LSAMP: variants seen among roughly 807,000 people sequenced by gnomAD.
The protein encoded by LSAMP is limbic system-associated membrane protein.
In LSAMP, 7 loss-of-function variants were observed where a neutral mutation model predicts 38.6. That is an observed-to-expected ratio of 0.18 (90% CI 0.10 to 0.34). LSAMP has a LOEUF of 0.34. Among genes scored for constraint, LSAMP ranks in the 10% least tolerant of loss-of-function variants. The pLI, the probability that LSAMP is intolerant of heterozygous loss-of-function variation, is 1.00. For synonymous variants in LSAMP, 154 were observed against 166.8 expected, an observed-to-expected ratio of 0.92 and a Z score of 0.59; for missense variants, 313 against 420.0, an observed-to-expected ratio of 0.75 and a Z score of 2.23.
At chr3:116,293,065 T>TATCA (rs993419801) in intron 1 of LSAMP, among the ~76,000 whole-genome samples, 1 of 152,202 alleles carries the variant, frequency 6.6e-6, no homozygotes, top group Non-Finnish European at 1.5e-5. Flanking sequence ...ACCTTCACCC[T>TATCA]ATCATATGTA....
intron 3 of LSAMP, among the ~76,000 whole-genome samples, chr3:116,006,313 C>T (rs910592038): frequency 2.0e-5 from 3 of 152,000 alleles, no homozygotes; most frequent in Non-Finnish European, 4.4e-5. Flanking sequence ...TGGTGGTCAT[C>T]GACAAGCCAG....
intron 1 of LSAMP, among the ~76,000 whole-genome samples, chr3:116,095,142 T>A (rs1035379625): frequency 1.3e-5 from 2 of 152,218 alleles, no homozygotes; most frequent in African/African-American, 2.4e-5. Flanking sequence ...AGATCAATCA[T>A]GTATTTCTCT....
intron 1 of LSAMP, among the ~76,000 whole-genome samples, chr3:116,292,936 G>T (rs942962578): frequency 1.3e-5 from 2 of 152,290 alleles, no homozygotes; most frequent in South Asian, 2.1e-4. Flanking sequence ...CTGTGGGAGG[G>T]TTACCTCTTG....
At chr3:116,275,958 C>G (rs116481671) in intron 1 of LSAMP, among the ~76,000 whole-genome samples, 1 of 152,060 alleles carries the variant, frequency 6.6e-6, no homozygotes, top group African/African-American at 2.4e-5. Flanking sequence ...ATGTAAATTA[C>G]GTAAAGTTTT....
intron 3 of LSAMP, among the ~76,000 whole-genome samples, chr3:116,015,914 T>C (rs767491235): frequency 6.6e-6 from 1 of 152,190 alleles, no homozygotes; most frequent in Non-Finnish European, 1.5e-5. Context: ...CAGGGCTCAA[T>C]ATCCCTGTGG....
At chr3:116,356,938 C>T (rs1251197072) in intron 1 of LSAMP, among the ~76,000 whole-genome samples, 3 of 152,100 alleles carry the variant, frequency 2.0e-5, no homozygotes, top group East Asian at 1.9e-4. Flanking sequence ...GGACTACAGG[C>T]GCCCGCCACC....
At chr3:116,219,682 C>G (rs544213480) in intron 1 of LSAMP, among the ~76,000 whole-genome samples, 1 of 152,060 alleles carries the variant, frequency 6.6e-6, no homozygotes, top group African/African-American at 2.4e-5. Flanking sequence ...GAAAAGGCGA[C>G]CTATGGATTG....
intron 1 of LSAMP, among the ~76,000 whole-genome samples, chr3:116,112,726 G>T (rs1225283700): frequency 1.3e-5 from 2 of 152,154 alleles, no homozygotes; most frequent in African/African-American, 2.4e-5. Flanking sequence ...AGGAAGTGGG[G>T]AACGAGTTTG....
intron 1 of LSAMP, among the ~76,000 whole-genome samples, chr3:116,282,761 C>T (rs7639095): frequency 2.0e-5 from 3 of 151,364 alleles, no homozygotes; most frequent in East Asian, 3.9e-4. Context: ...ATACTCCCCC[C>T]ACCCCCCAAA....
At chr3:116,081,321 G>T (rs1478680909) in intron 2 of LSAMP, among the ~76,000 whole-genome samples, 8 of 152,058 alleles carry the variant, frequency 5.3e-5, no homozygotes, top group Non-Finnish European at 1.0e-4. Flanking sequence ...AGGCATGATG[G>T]CACGCGCCTG....
intron 1 of LSAMP, among the ~76,000 whole-genome samples, chr3:116,199,635 A>G (rs1020672574): frequency 6.6e-6 from 1 of 152,158 alleles, no homozygotes; most frequent in Non-Finnish European, 1.5e-5. Context: ...TGTAGGCGAG[A>G]AGTAGAATGA....
chr3:116,351,956 G>A (rs1235426541), intron 1 of LSAMP, among the ~76,000 whole-genome samples: 1 of 152,012 alleles, frequency 6.6e-6, no homozygotes, highest in Non-Finnish European at 1.5e-5. Flanking sequence ...CTCTTTCAGT[G>A]AACAAAGTGT....
At chr3:115,844,778 A>G (rs1184408635) in intron 4 of LSAMP, among the ~76,000 whole-genome samples, 1 of 152,138 alleles carries the variant, frequency 6.6e-6, no homozygotes, top group Non-Finnish European at 1.5e-5. Flanking sequence ...GGAGTTTGAG[A>G]CCAGCCTGGC....
chr3:116,009,387 G>A (rs180754038), intron 3 of LSAMP, among the ~76,000 whole-genome samples: 13 of 152,132 alleles, frequency 8.5e-5, no homozygotes, highest in South Asian at 4.2e-4. Flanking sequence ...TAGCACCGTC[G>A]TAACAGAAGT....
chr3:115,930,002 G>GTTTTTTTTTT lies in LSAMP; in HGVS notation c.515-77395_515-77386dup, dbSNP rs1170325465. 2.0e-3 allele frequency among the ~76,000 whole-genome samples: 160 copies of GTTTTTTTTTT among 80,288 alleles called. 32 individuals carry two copies. Among genetic ancestry groups the GTTTTTTTTTT allele is most frequent in the East Asian group, 2.7e-3 (6 of 2,230 alleles). 52.7% of individuals were successfully genotyped at this position (80,288 alleles called of 152,430 possible). A position where few individuals can be genotyped will look rare whatever the true frequency, so the allele number is the denominator to read the frequency against. Reference sequence around the variant, plus strand: ...ATCCAGATCTATAAATTTAGCAGAAGTTTTTTTTTTTTTTTTTTTTTTTTG... The same window carrying GTTTTTTTTTT: ...ATCCAGATCTATAAATTTAGCAGAAGTTTTTTTTTTTTTTTTTTTTTTTTTTTTTTTTTTG... On this transcript the variant is annotated intron_variant, in intron 3 of 6. Coordinates refer to ENST00000490035, the MANE Select transcript of LSAMP (RefSeq NM_002338.5).
chr3:116,143,418 A>G (rs1477150233), intron 1 of LSAMP, among the ~76,000 whole-genome samples: 1 of 152,004 alleles, frequency 6.6e-6, no homozygotes, highest in Admixed American at 6.6e-5. Flanking sequence ...CAGGGTGACT[A>G]TAGTCAATAA....
chr3:115,857,875 G>A (rs1402816661), intron 3 of LSAMP, among the ~76,000 whole-genome samples: 4 of 152,148 alleles, frequency 2.6e-5, no homozygotes, highest in South Asian at 2.1e-4. Flanking sequence ...TCTCTCCTGT[G>A]TTCCCCAATG....
At chr3:116,038,989 T>C (rs1195544767) in intron 2 of LSAMP, among the ~76,000 whole-genome samples, 1 of 152,176 alleles carries the variant, frequency 6.6e-6, no homozygotes, top group Admixed American at 6.5e-5. Flanking sequence ...AAACAACCTA[T>C]ATTTGATGCA....
Position 116,271,934 on chromosome 3 carries a change from A to ATAAT in LSAMP, c.155+172939_155+172942dup, listed in dbSNP as rs2046979998. On this transcript the variant is annotated intron_variant, in intron 1 of 6. Coordinates refer to ENST00000490035, the MANE Select transcript of LSAMP (RefSeq NM_002338.5). Reference sequence around the variant, plus strand: ...TATTCTATTTGAAGTGAATAAAAAAATAATATGGGTTAGTATTCACTTGTG... The same window carrying ATAAT: ...TATTCTATTTGAAGTGAATAAAAAAATAATTAATATGGGTTAGTATTCACTTGTG... Among the ~76,000 whole-genome samples the ATAAT allele has an allele frequency of 2.0e-5, 3 of 152,236 alleles. No individual in the cohort carries two copies. The South Asian group carries it at 6.2e-4, about 32-fold the overall frequency.
Sources: gnomAD v4.1 joint callset for allele counts (sites outside exome capture counted in the v4.1 genomes callset) on GRCh38, gnomAD v4.1.1 for gene constraint, MANE v1.5 for transcripts, NCBI Gene and HGNC (gene_info 2026-07-23, HGNC 2026-07-21) for gene names.